The following TNIK variants were observed in gnomAD, a reference collection of about 807,000 sequenced individuals.
TNIK encodes the protein TRAF2 and NCK-interacting protein kinase.
TNIK carries 49 observed loss-of-function variants against 191.3 expected under a neutral mutation model. That is an observed-to-expected ratio of 0.26 (90% CI 0.20 to 0.32). TNIK has a LOEUF of 0.32. Ranked by LOEUF, TNIK falls within the 10% of genes least tolerant of loss-of-function variation. The pLI is 1.00. For missense variants in TNIK, 1,155 were observed against 1,702.3 expected, an observed-to-expected ratio of 0.68 and a Z score of 5.66; for synonymous variants, 594 against 600.9, an observed-to-expected ratio of 0.99 and a Z score of 0.17.
chr3:171,371,750 T>G (rs1361666117), intron 1 of TNIK, among the ~76,000 whole-genome samples: 1 of 151,542 alleles, frequency 6.6e-6, no homozygotes, highest in Non-Finnish European at 1.5e-5. Context: ...TTATTACAAA[T>G]GGAATTAGAA....
intron 17 of TNIK, among the ~76,000 whole-genome samples, chr3:171,125,621 G>C (rs1447354431): frequency 4.6e-5 from 7 of 152,144 alleles, no homozygotes; most frequent in Admixed American, 3.9e-4. Context: ...TGTTAATATG[G>C]ATAGCAAAAT....
chr3:171,081,381 G>A (rs1720652363), intron 27 of TNIK, among the ~76,000 whole-genome samples: 1 of 151,634 alleles, frequency 6.6e-6, no homozygotes, highest in Non-Finnish European at 1.5e-5. Flanking sequence ...CAATGGCTGA[G>A]CATAAATCCA....
In TNIK at chr3:171,079,782, T is replaced by A. The variant is rs892547208; in HGVS notation, c.3314-130A>T. 24 of 1,118,238 alleles carry A rather than the reference T, an allele frequency of 2.1e-5. No individual in the cohort carries two copies. The Admixed American group carries it at 2.6e-4, about 12-fold the overall frequency. The allele number at this position is 1,118,238 out of a possible 1,614,324, so 69.3% of individuals were successfully genotyped here. A position where few individuals can be genotyped will look rare whatever the true frequency, so the allele number is the denominator to read the frequency against. ...GTGTGTATGAAGGCATAATAACCAG[T>A]GTCCCCAGCACTTTGTCATTAAAAT... On this transcript the variant is annotated intron_variant, in intron 27 of 32. Transcript: ENST00000436636.
intron 2 of TNIK, among the ~76,000 whole-genome samples, chr3:171,312,584 C>T (rs1446128800): frequency 6.6e-6 from 1 of 152,032 alleles, no homozygotes; most frequent in Non-Finnish European, 1.5e-5. Context: ...TAACTGGGTG[C>T]TTTGAATTGT....
At chr3:171,206,651 A>G (rs1740132319) in intron 4 of TNIK, among the ~76,000 whole-genome samples, 1 of 152,140 alleles carries the variant, frequency 6.6e-6, no homozygotes, top group African/African-American at 2.4e-5. Flanking sequence ...GTTATGTTTT[A>G]GGATGTCTGC....
chr3:171,421,724 ATTTTTTTTTT>A (rs67895255), intron 1 of TNIK, among the ~76,000 whole-genome samples: 2 of 91,354 alleles, frequency 2.2e-5, no homozygotes, highest in Admixed American at 1.4e-4. Flanking sequence ...TAGTTGTGTA[ATTTTTTTTTT>A]TTTTTTTTTT....
chr3:171,401,748 A>G (rs1720984922), intron 1 of TNIK, among the ~76,000 whole-genome samples: 1 of 152,152 alleles, frequency 6.6e-6, no homozygotes, highest in African/African-American at 2.4e-5. Flanking sequence ...TATATGTGGG[A>G]GTTTCAGGGG....
chr3:171,281,200 G>A (rs1030688706), intron 2 of TNIK, among the ~76,000 whole-genome samples: 2 of 151,904 alleles, frequency 1.3e-5, no homozygotes, highest in African/African-American at 4.8e-5. Flanking sequence ...AAAAAAAATG[G>A]CAGTCTGAAG....
intron 2 of TNIK, among the ~76,000 whole-genome samples, chr3:171,284,354 G>C (rs6444976): frequency 0.49 from 74,157 of 151,952 alleles, 18,656 homozygotes; most frequent in African/African-American, 0.51. Flanking sequence ...AGTTCTTTGT[G>C]AAAAATGTCC....
intron 2 of TNIK, among the ~76,000 whole-genome samples, chr3:171,240,395 C>G (rs1270694273): frequency 2.0e-5 from 3 of 152,166 alleles, no homozygotes; most frequent in Non-Finnish European, 2.9e-5. Context: ...GTTAGAACCT[C>G]TAACTGTGTA....
intron 2 of TNIK, among the ~76,000 whole-genome samples, chr3:171,335,906 G>A (rs1276205502): frequency 6.6e-6 from 1 of 152,122 alleles, no homozygotes; most frequent in Non-Finnish European, 1.5e-5. Flanking sequence ...AGGTATGAAA[G>A]TTCCGGTTGC....
chr3:171,268,022 C>T (rs1322064983), intron 2 of TNIK, among the ~76,000 whole-genome samples: 1 of 152,144 alleles, frequency 6.6e-6, no homozygotes, highest in Non-Finnish European at 1.5e-5. Flanking sequence ...TCCATTGCAC[C>T]ACATCAAGAC....
At chr3:171,288,027 A>T (rs1751213092) in intron 2 of TNIK, among the ~76,000 whole-genome samples, 1 of 150,818 alleles carries the variant, frequency 6.6e-6, no homozygotes, top group Non-Finnish European at 1.5e-5. Context: ...AGGGACATGG[A>T]TGAAATTGGA....
intron 19 of TNIK, among the ~76,000 whole-genome samples, chr3:171,109,628 A>T (rs78280525): frequency 0.02 from 3,017 of 152,352 alleles, 105 homozygotes; most frequent in African/African-American, 0.07. Flanking sequence ...TGAGGCTTTC[A>T]TCAGACAGAG....
In TNIK at chr3:171,412,470, T is replaced by A. The variant is rs180882588; in HGVS notation, c.58-42785A>T. Among the ~76,000 whole-genome samples, 318 of 152,346 alleles carry A rather than the reference T, an allele frequency of 2.1e-3. 1 individual carries two copies. The highest frequency in any genetic ancestry group is 7.2e-3 in the African/African-American group (301 of 41,568). On this transcript the variant is annotated intron_variant, in intron 1 of 32. Coordinates refer to ENST00000436636, the MANE Select transcript of TNIK (RefSeq NM_015028.4). Reference sequence around the variant, plus strand: ...TGTTACAGCCAACAGAACAACTTGGTGATAGAAAGCAATCATTTTTAAAAA... The same window carrying A: ...TGTTACAGCCAACAGAACAACTTGGAGATAGAAAGCAATCATTTTTAAAAA...
chr3:171,459,941 C>G, intron 1 of TNIK, 66 bp downstream of exon 1: 1 of 1,286,308 alleles, frequency 7.8e-7, no homozygotes, highest in Non-Finnish European at 1.1e-6. Context: ...AGCCCCCAGT[C>G]CACGCACCGA....
chr3:171,117,824 G>A (rs1463184224), intron 18 of TNIK, among the ~76,000 whole-genome samples: 6 of 152,140 alleles, frequency 3.9e-5, no homozygotes, highest in Admixed American at 3.9e-4. Flanking sequence ...CAAAAAATTA[G>A]CTGGGCTTGG....
At chr3:171,201,665 T>G (rs1739424554) in intron 4 of TNIK, among the ~76,000 whole-genome samples, 1 of 152,134 alleles carries the variant, frequency 6.6e-6, no homozygotes, top group African/African-American at 2.4e-5. Context: ...TGTATAGAAA[T>G]ACAAAATACA....
At chr3:171,118,892 G>A (rs1459373631) in intron 18 of TNIK, among the ~76,000 whole-genome samples, 1 of 152,176 alleles carries the variant, frequency 6.6e-6, no homozygotes, top group African/African-American at 2.4e-5. Flanking sequence ...AGGACTTCAT[G>A]TCTAAAACAC....
Sources: gnomAD v4.1 joint callset for allele counts (sites outside exome capture counted in the v4.1 genomes callset) on GRCh38, gnomAD v4.1.1 for gene constraint, MANE v1.5 for transcripts, NCBI Gene and HGNC (gene_info 2026-07-23, HGNC 2026-07-21) for gene names.